Variants in UBR1 observed in about 807,000 individuals in gnomAD.
UBR1 encodes ubiquitin protein ligase E3 component n-recognin 1, also known as E3 ubiquitin-protein ligase UBR1.
UBR1 carries 102 observed loss-of-function variants against 242.1 expected under a neutral mutation model. That is an observed-to-expected ratio of 0.42 (90% CI 0.36 to 0.50). The LOEUF (loss-of-function observed/expected upper bound fraction) is 0.50, where lower values mean the gene tolerates loss of function less well. Ranked by LOEUF, UBR1 falls within the 20% of genes least tolerant of loss-of-function variation. The pLI, the probability that UBR1 is intolerant of heterozygous loss-of-function variation, is 0.01. For missense variants in UBR1, 1,772 were observed against 2,101.8 expected (o/e 0.84, Z 3.07); for synonymous variants, 675 against 684.8 (o/e 0.99, Z 0.22).
intron 30 of UBR1, among the ~76,000 whole-genome samples, chr15:43,005,834 T>C (rs1235225029): frequency 6.7e-6 from 1 of 150,076 alleles, no homozygotes; most frequent in Non-Finnish European, 1.5e-5. Context: ...CACTCAGGGT[T>C]AAATGGATTA....
intron 29 of UBR1, 29 bp from the exon 30 acceptor site, chr15:43,007,313 A>C: frequency 6.2e-7 from 1 of 1,610,086 alleles, no homozygotes; most frequent in South Asian, 1.1e-5. Context: ...AGAAATGAGG[A>C]CACATGTTTT....
intron 5 of UBR1, 52 bp from the exon 6 acceptor site, chr15:43,068,088 G>GC (rs2033777364): frequency 1.4e-5 from 8 of 579,772 alleles, no homozygotes; most frequent in Non-Finnish European, 1.9e-5. Flanking sequence ...TAAAGGAAAA[G>GC]TAAAAAAAAA....
At chr15:42,998,106 T>TA (rs2032667663) in intron 33 of UBR1, 62 bp downstream of exon 33, 10 of 1,405,114 alleles carry the variant, frequency 7.1e-6, no homozygotes, top group African/African-American at 1.4e-5. Flanking sequence ...AATAATTATT[T>TA]AAAAAAATAA....
Position 43,073,748 on chromosome 15 carries a change from A to G in UBR1, c.528+1231T>C, listed in dbSNP as rs115168424. 4.4e-3 allele frequency among the ~76,000 whole-genome samples: 675 copies of G among 152,310 alleles called. 4 individuals are homozygous for G. The highest frequency in any genetic ancestry group is 0.015 in the African/African-American group (642 of 41,562). On this transcript the variant is annotated intron_variant, in intron 4 of 46. Coordinates refer to ENST00000290650, the MANE Select transcript of UBR1 (RefSeq NM_174916.3). ...CTTTTGATGCTTCAATTATCCAAGTAAGGTCAATGTGAACCTTTTCAAGCT... is the reference window on the plus strand; with the variant it reads ...CTTTTGATGCTTCAATTATCCAAGTGAGGTCAATGTGAACCTTTTCAAGCT...
intron 20 of UBR1, among the ~76,000 whole-genome samples, chr15:43,030,461 G>A (rs1314754885): frequency 6.6e-6 from 1 of 152,152 alleles, no homozygotes; most frequent in Non-Finnish European, 1.5e-5. Context: ...TCACTGAATA[G>A]CTTTTCTTTC....
intron 5 of UBR1, 126 bp downstream of exon 5, chr15:43,070,669 G>T: frequency 7.1e-7 from 1 of 1,402,662 alleles, no homozygotes; most frequent in South Asian, 1.2e-5. Context: ...ATTCCCAAGA[G>T]ATAAGTCACT....
At chr15:42,950,514 G>A (rs561925472) in intron 45 of UBR1, 151 bp from the exon 46 acceptor site, 17 of 674,626 alleles carry the variant, frequency 2.5e-5, no homozygotes, top group Admixed American at 1.5e-4. Context: ...ACTAAATTAT[G>A]TTTTGTCTAA....
intron 27 of UBR1, among the ~76,000 whole-genome samples, chr15:43,018,112 C>A (rs1021119164): frequency 6.6e-6 from 1 of 151,554 alleles, no homozygotes; most frequent in Admixed American, 6.6e-5. Flanking sequence ...ATGCCATTCT[C>A]CTGCCTCAGC....
chr15:43,075,146 A>G, intron 3 of UBR1, 57 bp from the exon 4 acceptor site: 1 of 1,239,974 alleles, frequency 8.1e-7, no homozygotes, highest in Non-Finnish European at 1.2e-6. Flanking sequence ...AGCATGAAGA[A>G]TGATAAAGAT....
At chr15:43,012,595 C>A (rs1463025494) in intron 29 of UBR1, among the ~76,000 whole-genome samples, 1 of 152,164 alleles carries the variant, frequency 6.6e-6, no homozygotes, top group African/African-American at 2.4e-5. Context: ...TAAATGAACT[C>A]TGAGTACACC....
At chr15:43,026,700 T>C in intron 22 of UBR1, 37 bp from the exon 23 acceptor site, 1 of 1,527,338 alleles carries the variant, frequency 6.5e-7, no homozygotes, top group Non-Finnish European at 9.1e-7. Flanking sequence ...ACTGCAGTGT[T>C]CTTGAAGTAT....
intron 10 of UBR1, among the ~76,000 whole-genome samples, chr15:43,057,699 G>A (rs934763944): frequency 3.3e-5 from 5 of 152,028 alleles, no homozygotes; most frequent in African/African-American, 1.2e-4. Flanking sequence ...CTTCTTTCCT[G>A]CTATACTTTT....
At chr15:43,048,337 G>A (rs1193424972) in intron 13 of UBR1, 55 bp downstream of exon 13, 45 of 1,370,266 alleles carry the variant, frequency 3.3e-5, no homozygotes, top group East Asian at 4.9e-5. Context: ...AAAAGACTGC[G>A]GTTCAATTTT....
intron 29 of UBR1, among the ~76,000 whole-genome samples, chr15:43,007,873 C>T (rs1488924800): frequency 6.6e-6 from 1 of 152,166 alleles, no homozygotes; most frequent in African/African-American, 2.4e-5. Flanking sequence ...CATTCCCTGT[C>T]ATTAGGCATT....
In UBR1 at chr15:43,104,397, AC is replaced by A. The variant is rs200919983; in HGVS notation, c.81+1544del. 7.0e-4 allele frequency among the ~76,000 whole-genome samples: 107 copies of A among 152,322 alleles called. No homozygotes were observed. The East Asian group carries it at 0.02, about 29-fold the overall frequency. ...CCACTCCTTCTAACAAGCAAAACTC[AC>A]AAACTACCATTAAAATGTTTCAGTT... On this transcript the variant is annotated intron_variant, in intron 1 of 46. Coordinates refer to ENST00000290650, the MANE Select transcript of UBR1 (RefSeq NM_174916.3).
At chr15:43,036,409 T>C (rs2033590673) in intron 18 of UBR1, 119 bp downstream of exon 18, 3 of 1,185,634 alleles carry the variant, frequency 2.5e-6, no homozygotes, top group Non-Finnish European at 3.8e-6. Flanking sequence ...CTATGAGTCA[T>C]AATCAGTTTA....
At chr15:43,027,253 T>G (rs1034303932) in intron 22 of UBR1, among the ~76,000 whole-genome samples, 11 of 152,218 alleles carry the variant, frequency 7.2e-5, no homozygotes, top group Non-Finnish European at 1.3e-4. Flanking sequence ...CTATACCCTA[T>G]TTTAAAAGTT....
chr15:43,101,013 A>G lies in UBR1; in HGVS notation c.81+4929T>C, dbSNP rs117005026. Among the ~76,000 whole-genome samples the G allele has an allele frequency of 2.0e-3, 308 of 152,370 alleles. 7 individuals are homozygous for G. The East Asian group carries it at 0.042, about 21-fold the overall frequency. ...GTTGCTTTGACAGAGAATAAGAGGA[A>G]CCCATCTTTTAGACAGAGTGTGTAT... is the stretch of plus-strand genomic sequence containing the variant. On this transcript the variant is annotated intron_variant, in intron 1 of 46. Transcript: ENST00000290650.
intron 33 of UBR1, among the ~76,000 whole-genome samples, chr15:42,992,659 A>G (rs2032573899): frequency 6.6e-6 from 1 of 152,140 alleles, no homozygotes; most frequent in Non-Finnish European, 1.5e-5. Flanking sequence ...TGAGCCCAGG[A>G]CTTGTGTGGA....
Sources: gnomAD v4.1 joint callset for allele counts (sites outside exome capture counted in the v4.1 genomes callset) on GRCh38, gnomAD v4.1.1 for gene constraint, MANE v1.5 for transcripts, NCBI Gene and HGNC (gene_info 2026-07-23, HGNC 2026-07-21) for gene names.